The following REEP3 variants were observed in gnomAD, a reference collection of about 807,000 sequenced individuals.
The protein encoded by REEP3 is receptor expression-enhancing protein 3.
In REEP3, 20 loss-of-function variants were observed where a neutral mutation model predicts 41.3. The observed-to-expected ratio is 0.48, with a 90% CI of 0.34 to 0.70. The LOEUF (loss-of-function observed/expected upper bound fraction) is 0.70, where lower values mean the gene tolerates loss of function less well. Among genes scored for constraint, REEP3 ranks in the 30% least tolerant of loss-of-function variants. The pLI, the probability that REEP3 is intolerant of heterozygous loss-of-function variation, is 0.01. For synonymous variants in REEP3, 104 were observed against 101.8 expected, an observed-to-expected ratio of 1.02 and a Z score of -0.13; for missense variants, 271 against 308.8, an observed-to-expected ratio of 0.88 and a Z score of 0.92.
In REEP3 at chr10:63,569,478, C is replaced by CTTT. The variant is rs11386416; in HGVS notation, c.105+3078_105+3080dup. Reference sequence around the variant, plus strand: ...TCTCCAATCTTTTCTCCCAAATCTGCTTTTTTTTTTTTAGGAAAAGAAAGC... The same window carrying CTTT: ...TCTCCAATCTTTTCTCCCAAATCTGCTTTTTTTTTTTTTTTAGGAAAAGAAAGC... On this transcript the variant is annotated intron_variant, in intron 2 of 7. Coordinates refer to ENST00000373758, the MANE Select transcript of REEP3 (RefSeq NM_001001330.3). Among the ~76,000 whole-genome samples the CTTT allele has an allele frequency of 9.6e-5, 14 of 145,896 alleles. No individual in the cohort carries two copies. The South Asian group carries it at 2.6e-3, about 27-fold the overall frequency.
intron 5 of REEP3, among the ~76,000 whole-genome samples, chr10:63,603,812 T>C (rs1956198924): frequency 6.6e-6 from 1 of 152,214 alleles, no homozygotes; most frequent in African/African-American, 2.4e-5. Context: ...GTTAACCCTA[T>C]TTGCCTCAAG....
intron 2 of REEP3, among the ~76,000 whole-genome samples, chr10:63,585,304 A>G (rs1381068641): frequency 4.6e-5 from 7 of 152,210 alleles, no homozygotes; most frequent in African/African-American, 1.7e-4. Context: ...TAAACCAACC[A>G]TATGGATATG....
chr10:63,555,782 T>C (rs1336879577), intron 1 of REEP3, among the ~76,000 whole-genome samples: 2 of 152,202 alleles, frequency 1.3e-5, no homozygotes, highest in African/African-American at 4.8e-5. Context: ...TTGTCACACA[T>C]TGGTTTGTTG....
chr10:63,610,526 T>C (rs1386297366), intron 6 of REEP3, among the ~76,000 whole-genome samples, 192 bp downstream of exon 6: 2 of 152,094 alleles, frequency 1.3e-5, no homozygotes, highest in Admixed American at 6.5e-5. Context: ...CATGTATACC[T>C]GTGTAACAAA....
At chr10:63,531,633 T>A (rs1238963048) in intron 1 of REEP3, among the ~76,000 whole-genome samples, 1 of 152,234 alleles carries the variant, frequency 6.6e-6, no homozygotes, top group African/African-American at 2.4e-5. Context: ...GCTATGTGAA[T>A]GCTTATCTTA....
intron 6 of REEP3, among the ~76,000 whole-genome samples, chr10:63,613,160 C>T (rs1156863353): frequency 6.6e-6 from 1 of 152,068 alleles, no homozygotes; most frequent in African/African-American, 2.4e-5. Context: ...TAAAGGCGTG[C>T]ACCACCACGC....
At chr10:63,578,587 C>A (rs962493422) in intron 2 of REEP3, among the ~76,000 whole-genome samples, 14 of 151,948 alleles carry the variant, frequency 9.2e-5, no homozygotes, top group African/African-American at 3.4e-4. Context: ...CCAGCCAGGG[C>A]AACTTGGTAA....
chr10:63,541,473 T>G (rs1023865208), intron 1 of REEP3, among the ~76,000 whole-genome samples: 3 of 152,166 alleles, frequency 2.0e-5, no homozygotes, highest in Admixed American at 6.5e-5. Context: ...TACAAAAGGA[T>G]AAAGTTTCCA....
intron 1 of REEP3, among the ~76,000 whole-genome samples, chr10:63,554,886 C>T (rs1955663166): frequency 6.6e-6 from 1 of 152,104 alleles, no homozygotes; most frequent in African/African-American, 2.4e-5. Context: ...TTCTTCTAAA[C>T]ATTTTTTTGT....
chr10:63,533,811 A>C (rs1271116370), intron 1 of REEP3, among the ~76,000 whole-genome samples: 2 of 148,988 alleles, frequency 1.3e-5, no homozygotes, highest in African/African-American at 4.9e-5. Flanking sequence ...GGGTTCAAGC[A>C]ATTCTCCTAC....
At chr10:63,608,168 C>T (rs1415046819) in intron 5 of REEP3, among the ~76,000 whole-genome samples, 2 of 152,212 alleles carry the variant, frequency 1.3e-5, no homozygotes, top group East Asian at 3.8e-4. Flanking sequence ...TAGTATGTCT[C>T]TGGAGTCTTC....
At chr10:63,524,099 C>T (rs1202859778) in intron 1 of REEP3, among the ~76,000 whole-genome samples, 2 of 152,070 alleles carry the variant, frequency 1.3e-5, no homozygotes, top group Non-Finnish European at 1.5e-5. Flanking sequence ...TTTTGTGAGC[C>T]GTGAACACAT....
At chr10:63,528,908 TAGTATTTGGTA>T (rs879610581) in intron 1 of REEP3, among the ~76,000 whole-genome samples, 1 of 152,356 alleles carries the variant, frequency 6.6e-6, no homozygotes, top group Non-Finnish European at 1.5e-5. Context: ...CCGTTGTCTG[TAGTATTTGGTA>T]CTTCACTTCT....
intron 1 of REEP3, among the ~76,000 whole-genome samples, chr10:63,522,230 G>A (rs1273845843): frequency 6.6e-6 from 1 of 151,628 alleles, no homozygotes; most frequent in Non-Finnish European, 1.5e-5. Flanking sequence ...AGGTGACACC[G>A]GCTGCTCGCC....
intron 1 of REEP3, among the ~76,000 whole-genome samples, chr10:63,535,810 C>A (rs1955468724): frequency 6.6e-6 from 1 of 152,088 alleles, no homozygotes; most frequent in Non-Finnish European, 1.5e-5. Flanking sequence ...AAATAAAGAT[C>A]TTTACTACAC....
intron 2 of REEP3, among the ~76,000 whole-genome samples, chr10:63,593,727 G>A (rs942710182): frequency 3.3e-5 from 5 of 152,116 alleles, no homozygotes; most frequent in Non-Finnish European, 7.4e-5. Flanking sequence ...CATTAATCTG[G>A]CATGCTTCTA....
chr10:63,565,588 A>G (rs1365038093), intron 1 of REEP3, among the ~76,000 whole-genome samples: 1 of 152,224 alleles, frequency 6.6e-6, no homozygotes, highest in Non-Finnish European at 1.5e-5. Flanking sequence ...TAACTAGTGG[A>G]GTGAAGGACC....
intron 1 of REEP3, among the ~76,000 whole-genome samples, chr10:63,531,013 T>C: frequency 6.6e-6 from 1 of 152,178 alleles, no homozygotes; most frequent in East Asian, 1.9e-4. Context: ...CTGTTAAGGG[T>C]TTATGCATAC....
At chr10:63,596,486 G>T (rs973044759) in intron 3 of REEP3, among the ~76,000 whole-genome samples, 1 of 152,072 alleles carries the variant, frequency 6.6e-6, no homozygotes, top group African/African-American at 2.4e-5. Context: ...AGACCTCTTT[G>T]TTGACTACAT....
Sources: gnomAD v4.1 joint callset for allele counts (sites outside exome capture counted in the v4.1 genomes callset) on GRCh38, gnomAD v4.1.1 for gene constraint, MANE v1.5 for transcripts, NCBI Gene and HGNC (gene_info 2026-07-23, HGNC 2026-07-21) for gene names.